Variants in CACNA2D3 observed in about 807,000 individuals in gnomAD.
The protein encoded by CACNA2D3 is calcium voltage-gated channel auxiliary subunit alpha2delta 3.
A neutral mutation model predicts 160.6 loss-of-function variants in CACNA2D3; 60 were observed. The observed-to-expected ratio is 0.37, with a 90% CI of 0.30 to 0.46. The LOEUF is 0.46. Ranked by LOEUF, CACNA2D3 falls within the 20% of genes least tolerant of loss-of-function variation. CACNA2D3 has a pLI of 1.00. For synonymous variants in CACNA2D3, 558 were observed against 492.9 expected (o/e 1.13, Z -1.75); for missense variants, 1,205 against 1,365.0 (o/e 0.88, Z 1.85).
chr3:54,626,920 T>C (rs764179931), intron 9 of CACNA2D3, among the ~76,000 whole-genome samples: 18 of 152,160 alleles, frequency 1.2e-4, no homozygotes, highest in Admixed American at 2.6e-4. Context: ...AGTTACTTTC[T>C]TTAGTCCCCT....
intron 3 of CACNA2D3, among the ~76,000 whole-genome samples, chr3:54,323,633 A>C (rs967294508): frequency 4.0e-5 from 6 of 151,706 alleles, no homozygotes; most frequent in Admixed American, 3.3e-4. Context: ...TGCCCGGCTA[A>C]TTTTTTGTAT....
At chr3:54,431,644 G>A (rs888390060) in intron 4 of CACNA2D3, among the ~76,000 whole-genome samples, 6 of 152,114 alleles carry the variant, frequency 3.9e-5, no homozygotes, top group East Asian at 1.9e-4. Flanking sequence ...AGACAGTCTC[G>A]CTGTGTTGCC....
intron 13 of CACNA2D3, among the ~76,000 whole-genome samples, chr3:54,765,155 G>T (rs1702199206): frequency 6.6e-6 from 1 of 152,016 alleles, no homozygotes; most frequent in African/African-American, 2.4e-5. Flanking sequence ...GATCTCAATG[G>T]CTGTCATGGG....
At chr3:54,267,471 G>A (rs1702539710) in intron 2 of CACNA2D3, among the ~76,000 whole-genome samples, 1 of 152,156 alleles carries the variant, frequency 6.6e-6, no homozygotes, top group African/African-American at 2.4e-5. Flanking sequence ...ACTGAGATGG[G>A]TGGTCATCAA....
At chr3:54,558,627 T>A (rs1270509567) in intron 5 of CACNA2D3, among the ~76,000 whole-genome samples, 1 of 152,184 alleles carries the variant, frequency 6.6e-6, no homozygotes, top group Admixed American at 6.5e-5. Context: ...TGTCCGTGTG[T>A]ACTCAGTGTT....
At chr3:54,724,690 A>G (rs1701243070) in intron 11 of CACNA2D3, among the ~76,000 whole-genome samples, 1 of 152,216 alleles carries the variant, frequency 6.6e-6, no homozygotes, top group Admixed American at 6.5e-5. Context: ...TAAGGAAATG[A>G]AGGCAGAAAC....
chr3:54,894,499 T>C, intron 25 of CACNA2D3: 1 of 457,390 alleles, frequency 2.2e-6, no homozygotes, highest in Non-Finnish European at 4.4e-6. Flanking sequence ...TCATACCTTC[T>C]AACCAAGCCA....
chr3:54,604,497 T>G (rs1703127530), intron 9 of CACNA2D3, among the ~76,000 whole-genome samples: 4 of 152,182 alleles, frequency 2.6e-5, no homozygotes, highest in African/African-American at 7.2e-5. Context: ...CACCTTCTCC[T>G]AGTCTTCCTC....
chr3:54,250,694 C>G (rs1702171696), intron 2 of CACNA2D3, among the ~76,000 whole-genome samples: 1 of 152,012 alleles, frequency 6.6e-6, no homozygotes, highest in Non-Finnish European at 1.5e-5. Flanking sequence ...CCGTCATCGC[C>G]CAAAGTGCTT....
chr3:54,361,245 G>C (rs1250944845), intron 3 of CACNA2D3, among the ~76,000 whole-genome samples: 2 of 151,504 alleles, frequency 1.3e-5, no homozygotes, highest in Non-Finnish European at 2.9e-5. Flanking sequence ...GCAGGTTGGT[G>C]TGGAACCTGT....
intron 11 of CACNA2D3, among the ~76,000 whole-genome samples, chr3:54,668,855 T>C (rs905838656): frequency 3.3e-5 from 5 of 152,190 alleles, no homozygotes; most frequent in African/African-American, 9.7e-5. Flanking sequence ...AATGTGGGCT[T>C]TTCCTGCTCC....
chr3:55,058,571 A>C (rs1338757827), intron 35 of CACNA2D3, among the ~76,000 whole-genome samples: 1 of 152,064 alleles, frequency 6.6e-6, no homozygotes, highest in Non-Finnish European at 1.5e-5. Context: ...AGCAACTGAG[A>C]CTATAGAGTA....
At chr3:54,536,680 C>T (rs1701894777) in intron 5 of CACNA2D3, among the ~76,000 whole-genome samples, 1 of 152,274 alleles carries the variant, frequency 6.6e-6, no homozygotes, top group East Asian at 1.9e-4. Context: ...CCAGCAGGCC[C>T]CAAAAGCAGA....
chr3:54,310,663 T>C (rs951522243), intron 2 of CACNA2D3, among the ~76,000 whole-genome samples: 3 of 152,168 alleles, frequency 2.0e-5, no homozygotes, highest in African/African-American at 7.2e-5. Context: ...GTTGTAAATG[T>C]TGGTTGCACG....
chr3:54,822,812 TTTC>T lies in CACNA2D3; in HGVS notation c.1398+5945_1398+5947del, dbSNP rs1329395058. Among the ~76,000 whole-genome samples the T allele has an allele frequency of 2.5e-3, 306 of 121,834 alleles. 10 individuals are homozygous for T. The highest frequency in any genetic ancestry group is 8.6e-3 in the African/African-American group (221 of 25,642). 79.9% of individuals were successfully genotyped at this position (121,834 alleles called of 152,430 possible). A position where few individuals can be genotyped will look rare whatever the true frequency, so the allele number is the denominator to read the frequency against. On this transcript the variant is annotated intron_variant, in intron 14 of 37. Transcript: ENST00000474759. Reference sequence around the variant, plus strand: ...TTTCCTTTCTTTCTTTCTTTCTTTCTTTCTTTCTTTCTTTCTTTCTTTTCTTTC... The same window carrying T: ...TTTCCTTTCTTTCTTTCTTTCTTTCTTTTCTTTCTTTCTTTCTTTTCTTTC...
intron 4 of CACNA2D3, among the ~76,000 whole-genome samples, chr3:54,474,489 T>C (rs888392809): frequency 6.6e-6 from 1 of 152,162 alleles, no homozygotes; most frequent in African/African-American, 2.4e-5. Context: ...ATGGCACGTG[T>C]GTACCTGTGT....
chr3:54,924,777 G>T (rs752756975), intron 27 of CACNA2D3: 1 of 1,614,122 alleles, frequency 6.2e-7, no homozygotes, highest in East Asian at 2.2e-5. Context: ...CGCAAGTATA[G>T]TTAGGTTCTC....
intron 2 of CACNA2D3, among the ~76,000 whole-genome samples, chr3:54,131,791 A>G (rs992951862): frequency 2.2e-4 from 34 of 152,108 alleles, no homozygotes; most frequent in African/African-American, 8.0e-4. Flanking sequence ...AATCCTCCTA[A>G]TCTTGTCCTT....
In CACNA2D3 at chr3:54,322,169, C is replaced by T. The variant is rs548987396; in HGVS notation, c.321+1611C>T. 5.9e-5 allele frequency among the ~76,000 whole-genome samples: 9 copies of T among 152,332 alleles called. No individual in the cohort carries two copies. The East Asian group carries it at 1.7e-3, about 29-fold the overall frequency. ...CACAGAGGTCCAGCCAGCACCAGAACCTAGACCTCACCTCCTTGAGGCAGT... is the reference window on the plus strand; with the variant it reads ...CACAGAGGTCCAGCCAGCACCAGAATCTAGACCTCACCTCCTTGAGGCAGT... On this transcript the variant is annotated intron_variant, in intron 3 of 37. Transcript: ENST00000474759.
Sources: allele counts gnomAD v4.1 joint callset (sites outside exome capture counted in the v4.1 genomes callset), GRCh38; gene constraint gnomAD v4.1.1; transcripts MANE v1.5; gene names NCBI Gene and HGNC (gene_info 2026-07-23, HGNC 2026-07-21).